The following CACNA2D3 variants were observed in gnomAD, a reference collection of about 807,000 sequenced individuals.
The protein encoded by CACNA2D3 is calcium voltage-gated channel auxiliary subunit alpha2delta 3, also known as voltage-dependent calcium channel subunit alpha-2/delta-3.
In CACNA2D3, 60 loss-of-function variants were observed where a neutral mutation model predicts 160.6. That is an observed-to-expected ratio of 0.37 (90% CI 0.30 to 0.46). CACNA2D3 has a LOEUF of 0.46. Among genes scored for constraint, CACNA2D3 ranks in the 20% least tolerant of loss-of-function variants. The pLI is 1.00. For synonymous variants in CACNA2D3, 558 were observed against 492.9 expected (o/e 1.13, Z -1.75); for missense variants, 1,205 against 1,365.0 (o/e 0.88, Z 1.85).
chr3:54,309,367 C>T (rs759153157), intron 2 of CACNA2D3, among the ~76,000 whole-genome samples: 3 of 152,226 alleles, frequency 2.0e-5, no homozygotes, highest in African/African-American at 4.8e-5. Flanking sequence ...CATAGAGCTA[C>T]AATTTATCAG....
At position 54,846,391 on chromosome 3, in the gene CACNA2D3, A is replaced by T. The variant is rs1340078624; in HGVS notation, c.1552-2A>T. The T allele has an allele frequency of 6.3e-7, 1 of 1,598,642 alleles. No individual in the cohort carries two copies. The highest frequency in any genetic ancestry group is 1.7e-5 in the Admixed American group (1 of 58,824). Reference sequence around the variant, plus strand: ...AGGTTTCTTTCTTGCTTCCTCTTACAGTTAGGGATTCACGGTTATGCCTTT... The same window carrying T: ...AGGTTTCTTTCTTGCTTCCTCTTACTGTTAGGGATTCACGGTTATGCCTTT... On this transcript the variant is annotated splice_acceptor_variant, in intron 16 of 37. Coordinates refer to ENST00000474759, the MANE Select transcript of CACNA2D3 (RefSeq NM_018398.3). LOFTEE classifies it high-confidence loss of function.
rs9858893 is a variant in CACNA2D3 at position 54,918,339 on chromosome 3, T to C, written c.2449+18471T>C. On this transcript the variant is annotated intron_variant, in intron 27 of 37. Coordinates refer to ENST00000474759, the MANE Select transcript of CACNA2D3 (RefSeq NM_018398.3). ...GACACATCTTTTTTTTTTCTTTTTT[T>C]TTTTTTTTTTTTTTTTGTCTTTTGG... 2,126 of 328,776 alleles carry C rather than the reference T, an allele frequency of 6.5e-3. 12 individuals are homozygous for C. Among genetic ancestry groups the C allele is most frequent in the African/African-American group, 0.048 (1,924 of 40,480 alleles). 20.4% of individuals were successfully genotyped at this position (328,776 alleles called of 1,614,324 possible).
At chr3:54,980,392 A>AT (rs902713853) in intron 29 of CACNA2D3, among the ~76,000 whole-genome samples, 38 of 152,240 alleles carry the variant, frequency 2.5e-4, no homozygotes, top group African/African-American at 8.7e-4. Context: ...TTTACCATTA[A>AT]TTTTTTTACA....
intron 14 of CACNA2D3, among the ~76,000 whole-genome samples, chr3:54,836,764 T>C (rs1397734015): frequency 2.0e-5 from 3 of 152,214 alleles, no homozygotes; most frequent in Non-Finnish European, 4.4e-5. Flanking sequence ...TTTATGTGCA[T>C]GCTTTCTGAT....
At chr3:54,646,186 C>CCTTGCTTGCTTG (rs1474746714) in intron 11 of CACNA2D3, among the ~76,000 whole-genome samples, 1 of 6,470 alleles carries the variant, frequency 1.5e-4, no homozygotes, top group Admixed American at 1.7e-3. Context: ...CTCCCTCCCT[C>CCTTGCTTGCTTG]CTTCCTTGCT....
intron 27 of CACNA2D3, chr3:54,918,938 C>G (rs1203037072): frequency 4.2e-6 from 6 of 1,445,262 alleles, no homozygotes; most frequent in African/African-American, 1.4e-5. Context: ...CTTGATACAA[C>G]AGAGTTCCAA....
intron 2 of CACNA2D3, among the ~76,000 whole-genome samples, chr3:54,262,499 G>A (rs976437174): frequency 3.9e-5 from 6 of 152,068 alleles, no homozygotes; most frequent in African/African-American, 1.4e-4. Context: ...CAGACTTTGG[G>A]AGTTTTTACC....
chr3:54,882,934 C>T (rs953103458), intron 21 of CACNA2D3, among the ~76,000 whole-genome samples: 3 of 152,214 alleles, frequency 2.0e-5, no homozygotes, highest in African/African-American at 7.2e-5. Flanking sequence ...TATAAAAAGT[C>T]ATTACCAAGA....
intron 2 of CACNA2D3, among the ~76,000 whole-genome samples, chr3:54,260,480 T>C (rs1575350699): frequency 2.0e-5 from 3 of 152,310 alleles, no homozygotes; most frequent in Admixed American, 2.0e-4. Context: ...CAGGTCTCTC[T>C]TCCTTTTCTT....
intron 17 of CACNA2D3, among the ~76,000 whole-genome samples, chr3:54,852,562 C>T (rs1479262324): frequency 1.3e-5 from 2 of 152,222 alleles, no homozygotes; most frequent in Non-Finnish European, 2.9e-5. Context: ...TGGCACTCGC[C>T]TTTCCCTGTG....
intron 5 of CACNA2D3, among the ~76,000 whole-genome samples, chr3:54,534,222 A>T (rs1701851023): frequency 6.6e-6 from 1 of 152,232 alleles, no homozygotes; most frequent in Non-Finnish European, 1.5e-5. Flanking sequence ...CAAAATAGCC[A>T]GGGTAATCTT....
intron 35 of CACNA2D3, among the ~76,000 whole-genome samples, chr3:55,027,073 A>G (rs1408813712): frequency 6.6e-6 from 1 of 152,170 alleles, no homozygotes; most frequent in East Asian, 1.9e-4. Flanking sequence ...TTCTTTTTAG[A>G]GATTAGAAAT....
At chr3:54,730,534 G>A (rs557139888) in intron 11 of CACNA2D3, among the ~76,000 whole-genome samples, 20 of 152,006 alleles carry the variant, frequency 1.3e-4, no homozygotes, top group African/African-American at 3.6e-4. Flanking sequence ...ATGGAGTCTC[G>A]CTCTGTCGCC....
chr3:54,641,391 AAG>A (rs1272465472), intron 10 of CACNA2D3, among the ~76,000 whole-genome samples: 1 of 152,204 alleles, frequency 6.6e-6, no homozygotes, highest in Non-Finnish European at 1.5e-5. Flanking sequence ...TCCTTGAGTT[AAG>A]AGGGGTGTGG....
At chr3:54,818,620 C>T (rs1362352242) in intron 14 of CACNA2D3, among the ~76,000 whole-genome samples, 3 of 152,128 alleles carry the variant, frequency 2.0e-5, no homozygotes, top group African/African-American at 7.2e-5. Context: ...CATCACATGC[C>T]CTGCAAAGTG....
intron 2 of CACNA2D3, among the ~76,000 whole-genome samples, chr3:54,198,083 T>TCAGA (rs1226107179): frequency 7.2e-5 from 11 of 152,250 alleles, no homozygotes; most frequent in African/African-American, 2.7e-4. Flanking sequence ...CTTGTTCTTA[T>TCAGA]CAGACTTTTC....
Position 54,984,672 on chromosome 3 carries a change from T to C in CACNA2D3, c.2619+2T>C. ...TTGGTGTCTGAAGACTACACACAGG[T>C]GAGTGAAAATTTTCTACCAGCTCCA... On this transcript the variant is annotated splice_donor_variant, in intron 30 of 37. Coordinates refer to ENST00000474759, the MANE Select transcript of CACNA2D3 (RefSeq NM_018398.3). LOFTEE classifies it high-confidence loss of function. The C allele has an allele frequency of 6.4e-7, 1 of 1,550,638 alleles. No homozygotes were observed. The highest frequency in any genetic ancestry group is 8.8e-7 in the Non-Finnish European group (1 of 1,140,754).
At chr3:54,670,279 G>A (rs1700136128) in intron 11 of CACNA2D3, among the ~76,000 whole-genome samples, 1 of 152,188 alleles carries the variant, frequency 6.6e-6, no homozygotes, top group Admixed American at 6.5e-5. Flanking sequence ...GTCGGCACAA[G>A]CTGTTAATAA....
At position 54,809,311 on chromosome 3, in the gene CACNA2D3, C is replaced by CTTTTTTTTTTTTTTTTTTTTTTT. The variant is rs1217898723; in HGVS notation, c.1381-7524_1381-7523insTTTTTTTTTTTTTTTTTTTTTTT. ...TCTTTCTTTCCTTCCTTCCTTCTTTCTTTTTTTTTTTTTTTTTTGAGACGG... is the reference window on the plus strand; with the variant it reads ...TCTTTCTTTCCTTCCTTCCTTCTTTCTTTTTTTTTTTTTTTTTTTTTTTTTTTTTTTTTTTTTTTTTGAGACGG... On this transcript the variant is annotated intron_variant, in intron 13 of 37. Coordinates refer to ENST00000474759, the MANE Select transcript of CACNA2D3 (RefSeq NM_018398.3). 9.3e-4 allele frequency among the ~76,000 whole-genome samples: 75 copies of CTTTTTTTTTTTTTTTTTTTTTTT among 80,720 alleles called. 3 individuals carry two copies. Among genetic ancestry groups the CTTTTTTTTTTTTTTTTTTTTTTT allele is most frequent in the Non-Finnish European group, 9.6e-4 (43 of 44,904 alleles). The allele number at this position is 80,720 out of a possible 152,430, so 53.0% of individuals were successfully genotyped here.
Sources: allele counts gnomAD v4.1 joint callset (sites outside exome capture counted in the v4.1 genomes callset), GRCh38; gene constraint gnomAD v4.1.1; transcripts MANE v1.5; gene names NCBI Gene and HGNC (gene_info 2026-07-23, HGNC 2026-07-21).